The following CNTN3 variants were observed in gnomAD, a reference collection of about 807,000 sequenced individuals.
CNTN3 encodes the protein contactin 3.
CNTN3 carries 60 observed loss-of-function variants against 119.1 expected under a neutral mutation model. The ratio of observed to expected loss-of-function variants is 0.50; its 90% CI spans 0.41 to 0.62. CNTN3 has a LOEUF of 0.62. CNTN3 is among the 20% of genes least tolerant of loss of function. The pLI, the probability that CNTN3 is intolerant of heterozygous loss-of-function variation, is 0.00. For missense variants in CNTN3, 1,101 were observed against 1,242.4 expected, an observed-to-expected ratio of 0.89 and a Z score of 1.71; for synonymous variants, 450 against 438.7, an observed-to-expected ratio of 1.03 and a Z score of -0.32.
intron 5 of CNTN3, among the ~76,000 whole-genome samples, chr3:74,395,636 T>C (rs889013617): frequency 6.6e-6 from 1 of 152,242 alleles, no homozygotes; most frequent in African/African-American, 2.4e-5. Flanking sequence ...ATACTCCTTA[T>C]TTCACAGGGT....
At chr3:74,518,786 A>T (rs939058459) in intron 2 of CNTN3, among the ~76,000 whole-genome samples, 3 of 151,910 alleles carry the variant, frequency 2.0e-5, no homozygotes, top group African/African-American at 7.2e-5. Flanking sequence ...GAAGAATGCT[A>T]TGATTGAAAG....
At chr3:74,442,235 G>A (rs1470848780) in intron 4 of CNTN3, among the ~76,000 whole-genome samples, 1 of 151,334 alleles carries the variant, frequency 6.6e-6, no homozygotes, top group Non-Finnish European at 1.5e-5. Flanking sequence ...ACTTATGGTG[G>A]CCTACCACCA....
At chr3:74,480,807 CATT>C (rs1702750394) in intron 4 of CNTN3, among the ~76,000 whole-genome samples, 1 of 151,724 alleles carries the variant, frequency 6.6e-6, no homozygotes, top group Non-Finnish European at 1.5e-5. Context: ...CTATTTAAAA[CATT>C]ATAATCCTCA....
intron 4 of CNTN3, among the ~76,000 whole-genome samples, chr3:74,464,545 G>A (rs1702427542): frequency 6.6e-6 from 1 of 152,100 alleles, no homozygotes; most frequent in Non-Finnish European, 1.5e-5. Context: ...GCCCCAGAGT[G>A]CTTACATCCT....
At chr3:74,467,819 C>T (rs947252674) in intron 4 of CNTN3, among the ~76,000 whole-genome samples, 4 of 152,032 alleles carry the variant, frequency 2.6e-5, no homozygotes, top group African/African-American at 4.8e-5. Flanking sequence ...CAGAAAAAAT[C>T]CCAACAGAAC....
intron 4 of CNTN3, among the ~76,000 whole-genome samples, chr3:74,468,641 C>G (rs930626314): frequency 2.6e-5 from 4 of 151,948 alleles, no homozygotes; most frequent in Non-Finnish European, 4.4e-5. Flanking sequence ...TAAGACAAAC[C>G]CACAGCTGAG....
chr3:74,608,254 T>C (rs573881407), intron 1 of CNTN3, among the ~76,000 whole-genome samples: 12 of 152,250 alleles, frequency 7.9e-5, no homozygotes, highest in African/African-American at 2.2e-4. Context: ...GCAAGTGAAA[T>C]AGACTATTCT....
chr3:74,316,778 A>T (rs920616523), intron 13 of CNTN3, among the ~76,000 whole-genome samples: 1 of 152,016 alleles, frequency 6.6e-6, no homozygotes, highest in Non-Finnish European at 1.5e-5. Flanking sequence ...ACAAAAAAAA[A>T]TTAGCTGGCC....
At position 74,298,634 on chromosome 3, in the gene CNTN3, C is replaced by T. The variant is rs1219536103; in HGVS notation, c.2167-443G>A. On this transcript the variant is annotated intron_variant, in intron 17 of 22. Coordinates refer to ENST00000263665, the MANE Select transcript of CNTN3 (RefSeq NM_020872.3). The stretch of plus-strand genomic sequence containing the variant: ...AAAAAAGGCCTGGTACGGTGGCTCA[C>T]GCCTGTAATCCCAGCACTTTGGGAG... Among the ~76,000 whole-genome samples, 3 of 150,648 alleles carry T rather than the reference C, an allele frequency of 2.0e-5. No individual in the cohort carries two copies. In the East Asian group the frequency reaches 5.9e-4, roughly 30 times the overall value.
chr3:74,602,641 G>A lies in CNTN3; in HGVS notation c.-81+11750C>T, dbSNP rs113305361. ...TTTTGGGGCATAGTTCTTGTTAAGGGTGTGGATGTAATTTATGTACATGTG... is the reference window on the plus strand; with the variant it reads ...TTTTGGGGCATAGTTCTTGTTAAGGATGTGGATGTAATTTATGTACATGTG... On this transcript the variant is annotated intron_variant, in intron 1 of 22. Transcript: ENST00000263665. Among the ~76,000 whole-genome samples the A allele has an allele frequency of 2.8e-3, 425 of 152,132 alleles. 1 individual carries two copies. Among genetic ancestry groups the A allele is most frequent in the African/African-American group, 9.6e-3 (397 of 41,528 alleles).
At chr3:74,561,417 G>C (rs1309312874) in intron 1 of CNTN3, among the ~76,000 whole-genome samples, 9 of 152,052 alleles carry the variant, frequency 5.9e-5, no homozygotes, top group Admixed American at 5.9e-4. Flanking sequence ...TTGACCCTCT[G>C]ACTTCTTCAC....
At chr3:74,512,460 A>C (rs1456342289) in intron 2 of CNTN3, among the ~76,000 whole-genome samples, 2 of 152,144 alleles carry the variant, frequency 1.3e-5, no homozygotes, top group Non-Finnish European at 2.9e-5. Flanking sequence ...ATCAGTTCTC[A>C]TTGAGAGACA....
intron 5 of CNTN3, among the ~76,000 whole-genome samples, chr3:74,412,366 T>G (rs9846661): frequency 6.6e-6 from 1 of 152,156 alleles, no homozygotes; most frequent in East Asian, 1.9e-4. Context: ...AGAAAAAGTA[T>G]GTAAAACAAA....
chr3:74,474,925 C>T (rs2107011503), intron 4 of CNTN3, among the ~76,000 whole-genome samples: 1 of 152,254 alleles, frequency 6.6e-6, no homozygotes, highest in Middle Eastern at 3.4e-3. Flanking sequence ...GACATGCCTG[C>T]TCCCTCTTCG....
At chr3:74,568,578 A>G (rs549441373) in intron 1 of CNTN3, among the ~76,000 whole-genome samples, 1 of 152,270 alleles carries the variant, frequency 6.6e-6, no homozygotes, top group East Asian at 1.9e-4. Context: ...TCAGAGTAAC[A>G]CGGAGGAGAC....
chr3:74,298,135 G>A lies in CNTN3; in HGVS notation c.2223C>T (p.Arg741=). The change falls in exon 18 of 23, where the codon CGC becomes CGT. Residue 741 remains arginine, a synonymous_variant. Coordinates refer to ENST00000263665, the MANE Select transcript of CNTN3 (RefSeq NM_020872.3). ...GGATCCAGGTGGTAACCCCAAGAGG[G>A]CGGAAAGCAACAACATACCCAAAAC... is the stretch of plus-strand genomic sequence containing the variant. ...GEGFGYVVAF[R]PLGVTTWIQT... is the part of the protein sequence containing the mutation. 2 of 1,611,628 alleles carry A rather than the reference G, an allele frequency of 1.2e-6. No individual in the cohort carries two copies. The highest frequency in any genetic ancestry group is 1.7e-6 in the Non-Finnish European group (2 of 1,178,556).
chr3:74,302,946 T>C (rs961234999), intron 13 of CNTN3, 139 bp from the exon 14 acceptor site: 1 of 546,802 alleles, frequency 1.8e-6, no homozygotes, highest in Non-Finnish European at 3.3e-6. Context: ...AGAGAGTAGA[T>C]TGCTACAATG....
At position 74,301,763 on chromosome 3, in the gene CNTN3, G is replaced by T. The variant is rs776223082; in HGVS notation, c.1829C>A (p.Thr610Lys). The change falls in exon 15 of 23, where the codon ACA (threonine) becomes AAA (lysine). Residue 610 changes from threonine (T) to lysine (K), a missense_variant. Transcript: ENST00000263665. ...CCAAGAGAGTTGGGCTGTTGTGTCT[G>T]TAATTTCATCTACCTTCACATTTTC... ...PPENVKVDEI[T>K]DTTAQLSWKE... is the part of the protein sequence containing the mutation. 1 of 1,614,054 alleles carries T rather than the reference G, an allele frequency of 6.2e-7. No homozygotes were observed. Among genetic ancestry groups the T allele is most frequent in the Non-Finnish European group, 8.5e-7 (1 of 1,179,956 alleles).
chr3:74,336,432 T>G (rs982985855), intron 12 of CNTN3, 99 bp downstream of exon 12: 3 of 1,254,716 alleles, frequency 2.4e-6, no homozygotes, highest in African/African-American at 1.5e-5. Flanking sequence ...TCTACCTTCA[T>G]AGTGTACTGA....
Sources: allele counts gnomAD v4.1 joint callset (sites outside exome capture counted in the v4.1 genomes callset), GRCh38; gene constraint gnomAD v4.1.1; transcripts MANE v1.5; gene names NCBI Gene and HGNC (gene_info 2026-07-23, HGNC 2026-07-21).